ETFBKMT: variants seen among roughly 807,000 people sequenced by gnomAD.
The protein encoded by ETFBKMT is electron transfer flavoprotein subunit beta lysine methyltransferase.
ETFBKMT carries 13 observed loss-of-function variants against 18.3 expected under a neutral mutation model. The observed-to-expected ratio is 0.71, with a 90% CI of 0.46 to 1.13. The LOEUF is 1.13. Ranked by LOEUF, ETFBKMT falls within the 50% of genes most tolerant of loss-of-function variation. ETFBKMT has a pLI of 0.00. For missense variants in ETFBKMT, 293 were observed against 306.2 expected (o/e 0.96, Z 0.32); for synonymous variants, 84 against 107.9 (o/e 0.78, Z 1.37).
intron 1 of ETFBKMT, among the ~76,000 whole-genome samples, chr12:31,661,215 G>A (rs1274621815): frequency 2.0e-5 from 3 of 152,196 alleles, no homozygotes; most frequent in South Asian, 4.1e-4. Flanking sequence ...TATCCTGGAA[G>A]CAGGGGATAC....
intron 1 of ETFBKMT, among the ~76,000 whole-genome samples, chr12:31,661,141 G>A (rs983936002): frequency 2.0e-5 from 3 of 152,168 alleles, no homozygotes. Context: ...CACAGCATAT[G>A]CCTAGTTTAT....
At chr12:31,650,583 G>A (rs982288707) in intron 1 of ETFBKMT, among the ~76,000 whole-genome samples, 1 of 149,776 alleles carries the variant, frequency 6.7e-6, no homozygotes, top group Admixed American at 6.7e-5. Flanking sequence ...TCCCTTTCCA[G>A]TAACACTAAG....
upstream of ETFBKMT, among the ~76,000 whole-genome samples, chr12:31,658,945 TA>T (rs1294601977): frequency 1.1e-3 from 148 of 131,422 alleles, no homozygotes; most frequent in African/African-American, 3.6e-3. Flanking sequence ...TTTTTTTTTT[TA>T]AATATACGGT....
In ETFBKMT at chr12:31,667,915, A is replaced by T; in HGVS notation, c.714A>T (p.Glu238Asp). 6.2e-7 allele frequency: 1 copy of T among 1,614,220 alleles called. No individual in the cohort carries two copies. Among genetic ancestry groups the T allele is most frequent in the Non-Finnish European group, 8.5e-7 (1 of 1,180,046 alleles). ...AGCATCACCTGCACAAAGTGGTAGA[A>T]TATTCACTTTTGGAGTCTACTAGGC... ...SIQHHLHKVV[E>D]YSLLESTRQE... Residue 238 changes from glutamate to aspartate, a missense_variant, in exon 4 of 4, where the codon GAA becomes GAT. Physicochemically the swap from Glu to Asp is conservative, Grantham distance 45. Transcript: ENST00000357721.
intron 2 of ETFBKMT, among the ~76,000 whole-genome samples, chr12:31,663,286 T>G (rs1157999907): frequency 1.3e-5 from 2 of 152,032 alleles, no homozygotes; most frequent in East Asian, 3.9e-4. Context: ...AGAGATGGGG[T>G]TTCACCATGT....
intron 1 of ETFBKMT, among the ~76,000 whole-genome samples, chr12:31,648,480 G>A (rs1045454525): frequency 1.4e-5 from 2 of 148,092 alleles, no homozygotes; most frequent in African/African-American, 5.0e-5. Flanking sequence ...TCCTGCCTCA[G>A]CCTCCTGAGT....
At chr12:31,665,113 T>A (rs765509980) in intron 2 of ETFBKMT, among the ~76,000 whole-genome samples, 2 of 151,030 alleles carry the variant, frequency 1.3e-5, no homozygotes, top group Non-Finnish European at 2.9e-5. Context: ...ATTTTTGTAT[T>A]TTTAGTAGAG....
chr12:31,652,171 A>C (rs192189985), intron 1 of ETFBKMT, among the ~76,000 whole-genome samples: 1 of 152,312 alleles, frequency 6.6e-6, no homozygotes, highest in East Asian at 1.9e-4. Context: ...AGACCTGACT[A>C]TAAACTTCGG....
chr12:31,667,380 G>T (rs1427192637), intron 3 of ETFBKMT, among the ~76,000 whole-genome samples: 1 of 152,108 alleles, frequency 6.6e-6, no homozygotes, highest in African/African-American at 2.4e-5. Flanking sequence ...AAAATCTTTT[G>T]GTTAATGAAA....
chr12:31,668,048 T>C lies in ETFBKMT; in HGVS notation c.*58T>C. 7.2e-7 allele frequency: 1 copy of C among 1,389,476 alleles called. No individual in the cohort carries two copies. Among genetic ancestry groups the C allele is most frequent in the South Asian group, 1.3e-5 (1 of 75,376 alleles). 86.1% of individuals were successfully genotyped at this position (1,389,476 alleles called of 1,614,324 possible). A position where few individuals can be genotyped will look rare whatever the true frequency, so the allele number is the denominator to read the frequency against. On this transcript the variant is annotated 3_prime_UTR_variant, in exon 4 of 4. Coordinates refer to ENST00000357721, the MANE Select transcript of ETFBKMT (RefSeq NM_001135863.2). ...AATGTTTGGATCTGACTCTAAAAGT[T>C]TTCTCTATAGGAGATACTCTCCAGT...
rs1395058799 is a variant in ETFBKMT at position 31,671,156 on chromosome 12, A to G, written c.*3166A>G. On this transcript the variant is annotated 3_prime_UTR_variant, in exon 4 of 4. Coordinates refer to ENST00000357721, the MANE Select transcript of ETFBKMT (RefSeq NM_001135863.2). ...ATGTGATTGACTTGGTTAAATATTC[A>G]GTATTAAATTTTATTGAATTTGTCT... is the stretch of plus-strand genomic sequence containing the variant. The G allele has an allele frequency of 6.6e-6, 1 of 152,246 alleles. No individual in the cohort carries two copies. Among genetic ancestry groups the G allele is most frequent in the Non-Finnish European group, 1.5e-5 (1 of 68,042 alleles). 9.4% of individuals were successfully genotyped at this position (152,246 alleles called of 1,614,324 possible). A position where few individuals can be genotyped will look rare whatever the true frequency, so the allele number is the denominator to read the frequency against.
At chr12:31,667,369 C>A (rs960108585) in intron 3 of ETFBKMT, among the ~76,000 whole-genome samples, 1 of 152,152 alleles carries the variant, frequency 6.6e-6, no homozygotes. Context: ...AGTAAAAAAA[C>A]AAAATCTTTT....
rs930726201 is a variant in ETFBKMT, at chr12:31,668,951, A to G, written c.*961A>G. ...AAATTTATGATCTGGTAATTCTAAA[A>G]TGTCTGCCATAACTGAGTCTGGTTC... On this transcript the variant is annotated 3_prime_UTR_variant, in exon 4 of 4. Transcript: ENST00000357721. 2 of 152,228 alleles carry G rather than the reference A, an allele frequency of 1.3e-5. No individual in the cohort carries two copies. The highest frequency in any genetic ancestry group is 4.1e-4 in the South Asian group (2 of 4,836). The allele number at this position is 152,228 out of a possible 1,614,324, so 9.4% of individuals were successfully genotyped here. A position where few individuals can be genotyped will look rare whatever the true frequency, so the allele number is the denominator to read the frequency against.
At chr12:31,655,341 A>T (rs1951052721), upstream of ETFBKMT, among the ~76,000 whole-genome samples, 1 of 152,154 alleles carries the variant, frequency 6.6e-6, no homozygotes, top group South Asian at 2.1e-4. Context: ...ATTTCCAGAT[A>T]ACTGCCCTCA....
upstream of ETFBKMT, among the ~76,000 whole-genome samples, chr12:31,659,015 G>A (rs1951086883): frequency 6.6e-6 from 1 of 151,240 alleles, no homozygotes; most frequent in Non-Finnish European, 1.5e-5. Context: ...CACATAGTAG[G>A]TGTTGCATAG....
chr12:31,648,557 C>CTT (rs764501978), intron 1 of ETFBKMT, among the ~76,000 whole-genome samples: 1,970 of 82,888 alleles, frequency 0.024, 57 homozygotes, highest in East Asian at 0.047. Flanking sequence ...AGATGGGTTT[C>CTT]TTTTTTTTTT....
chr12:31,648,290 A>C (rs1435925227), intron 1 of ETFBKMT, among the ~76,000 whole-genome samples: 2 of 152,198 alleles, frequency 1.3e-5, no homozygotes, highest in Non-Finnish European at 2.9e-5. Flanking sequence ...TTCCTTATAT[A>C]AAATGATGTA....
intron 1 of ETFBKMT, among the ~76,000 whole-genome samples, chr12:31,661,532 A>G (rs1353610125): frequency 1.3e-5 from 2 of 151,830 alleles, no homozygotes; most frequent in Non-Finnish European, 2.9e-5. Context: ...CTGGAATGCA[A>G]TGGTGCGATC....
Position 31,663,775 on chromosome 12 carries a change from A to C in ETFBKMT, c.314+1508A>C, listed in dbSNP as rs576522367. 1.8e-4 allele frequency among the ~76,000 whole-genome samples: 28 copies of C among 152,174 alleles called. 1 individual carries two copies. In the South Asian group the frequency reaches 5.6e-3, roughly 30 times the overall value. ...GTTTTTTCCTCACTTGCTTAACCTT[A>C]CTTTGTTTTTCGTAAGTGAATTGCT... On this transcript the variant is annotated intron_variant, in intron 2 of 3. Coordinates refer to ENST00000357721, the MANE Select transcript of ETFBKMT (RefSeq NM_001135863.2).
Sources: gnomAD v4.1 joint callset for allele counts (sites outside exome capture counted in the v4.1 genomes callset) on GRCh38, gnomAD v4.1.1 for gene constraint, MANE v1.5 for transcripts, NCBI Gene and HGNC (gene_info 2026-07-23, HGNC 2026-07-21) for gene names.